Variants in CHLSN observed in about 807,000 individuals in gnomAD.
CHLSN encodes the protein cholesin.
chr7:1,102,956 G>A, the CHLSN span, among the ~76,000 whole-genome samples: 3 of 152,206 alleles, frequency 2.0e-5, no homozygotes, highest in Admixed American at 6.5e-5. Context: ...ACAGGGAGGT[G>A]GGCACACCAG....
At chr7:1,092,299 G>A in the CHLSN span, 8 of 1,611,828 alleles carry the variant, frequency 5.0e-6, no homozygotes, top group Non-Finnish European at 6.8e-6. Context: ...AGCCACGCTG[G>A]TGCCCTTCAC....
the CHLSN span, among the ~76,000 whole-genome samples, chr7:979,666 C>T: frequency 6.6e-6 from 1 of 151,648 alleles, no homozygotes. Flanking sequence ...GCAGGAGAAT[C>T]GCTTGAACCT....
At chr7:1,070,893 T>C in the CHLSN span, among the ~76,000 whole-genome samples, 3 of 136,708 alleles carry the variant, frequency 2.2e-5, 1 homozygote, top group African/African-American at 8.8e-5. Flanking sequence ...TGCACACACG[T>C]GCACACACAT....
the CHLSN span, among the ~76,000 whole-genome samples, chr7:999,771 G>C: frequency 6.6e-6 from 1 of 152,244 alleles, no homozygotes. Context: ...GGGCGCAGGA[G>C]AGCCAGCGAG....
At chr7:1,070,999 T>G in the CHLSN span, among the ~76,000 whole-genome samples, 15 of 144,704 alleles carry the variant, frequency 1.0e-4, no homozygotes, top group Admixed American at 4.1e-4. Flanking sequence ...CACACACACG[T>G]GCACACGCAC....
the CHLSN span, chr7:1,000,679 T>A: frequency 1.4e-6 from 1 of 712,420 alleles, no homozygotes; most frequent in Non-Finnish European, 2.3e-6. Context: ...CACCAAGGCC[T>A]CATGTGAAGA....
chr7:1,051,816 T>C, the CHLSN span, among the ~76,000 whole-genome samples: 2,805 of 152,190 alleles, frequency 0.018, 116 homozygotes, highest in East Asian at 0.19. Context: ...TCAAAAAACG[T>C]TAAATGAAAA....
the CHLSN span, among the ~76,000 whole-genome samples, chr7:1,002,946 AGT>A: frequency 1.4e-5 from 1 of 71,544 alleles, no homozygotes; most frequent in Non-Finnish European, 2.7e-5. Flanking sequence ...CCTGTGGGTG[AGT>A]GGAGTCCTGT....
chr7:1,080,489 G>A, the CHLSN span, among the ~76,000 whole-genome samples: 7 of 152,208 alleles, frequency 4.6e-5, no homozygotes, highest in South Asian at 2.1e-4. Flanking sequence ...GTCTGATCAC[G>A]GGAGCAGAGT....
At chr7:1,124,336 C>T in the CHLSN span, among the ~76,000 whole-genome samples, 2 of 151,474 alleles carry the variant, frequency 1.3e-5, no homozygotes, top group Middle Eastern at 3.2e-3. Context: ...GGAGGGTTCA[C>T]CAAGAAGGGA....
At chr7:1,001,877 T>C in the CHLSN span, among the ~76,000 whole-genome samples, 1 of 51,204 alleles carries the variant, frequency 2.0e-5, no homozygotes, top group East Asian at 6.5e-4. Context: ...GGGTGGGGAG[T>C]CCTGTGGGTG....
At chr7:999,104 CAT>C in the CHLSN span, among the ~76,000 whole-genome samples, 4 of 152,056 alleles carry the variant, frequency 2.6e-5, no homozygotes, top group African/African-American at 9.7e-5. Context: ...TGTATACACA[CAT>C]ATAAATGGCT....
At chr7:998,303 T>A in the CHLSN span, among the ~76,000 whole-genome samples, 1 of 152,172 alleles carries the variant, frequency 6.6e-6, no homozygotes, top group African/African-American at 2.4e-5. Context: ...GCACGTTTCC[T>A]CAGGTCCCTG....
chr7:1,013,728 C>T, the CHLSN span, among the ~76,000 whole-genome samples: 354 of 152,290 alleles, frequency 2.3e-3, 2 homozygotes, highest in African/African-American at 8.1e-3. Context: ...TGTCTAAAGC[C>T]GGCGTCTCTG....
the CHLSN span, chr7:1,056,600 C>T: frequency 6.5e-6 from 1 of 152,756 alleles, no homozygotes; most frequent in African/African-American, 2.4e-5. Context: ...TCCCGAGCCT[C>T]CTCTTCCCGC....
At chr7:983,977 GC>G in the CHLSN span, among the ~76,000 whole-genome samples, 5 of 152,176 alleles carry the variant, frequency 3.3e-5, no homozygotes, top group Non-Finnish European at 7.4e-5. Context: ...GCCTCCGGCT[GC>G]CCCCAACTGC....
chr7:1,062,024 C>T, the CHLSN span, among the ~76,000 whole-genome samples: 1 of 152,264 alleles, frequency 6.6e-6, no homozygotes, highest in Admixed American at 6.5e-5. Context: ...AATTCTTCCC[C>T]AGTTTGTGAG....
the CHLSN span, among the ~76,000 whole-genome samples, chr7:1,068,412 C>T: frequency 1.1e-4 from 16 of 152,238 alleles, no homozygotes; most frequent in Admixed American, 2.0e-4. Context: ...TGACTGTCCC[C>T]GGGACATCAG....
At chr7:1,089,823 C>G in the CHLSN span, among the ~76,000 whole-genome samples, 1 of 151,668 alleles carries the variant, frequency 6.6e-6, no homozygotes, top group South Asian at 2.1e-4. Context: ...TGGATCACAC[C>G]TGTAATCCCA....
Sources: gnomAD v4.1 joint callset for allele counts (sites outside exome capture counted in the v4.1 genomes callset) on GRCh38, gnomAD v4.1.1 for gene constraint, MANE v1.5 for transcripts, NCBI Gene and HGNC (gene_info 2026-07-23, HGNC 2026-07-21) for gene names.